Variants in WSCD1 observed in about 807,000 individuals in gnomAD.
WSCD1 encodes WSC domain sialate O sulfotransferase 1.
Under a neutral mutation model 60.4 loss-of-function variants are expected in WSCD1, and 41 were observed. The ratio of observed to expected loss-of-function variants is 0.68; its 90% confidence interval spans 0.53 to 0.88. The LOEUF is 0.88. Among genes scored for constraint, WSCD1 ranks in the 40% least tolerant of loss-of-function variants. WSCD1 has a pLI of 0.00. For missense variants in WSCD1, 784 were observed against 796.2 expected, an observed-to-expected ratio of 0.98 and a Z score of 0.18; for synonymous variants, 361 against 332.5, an observed-to-expected ratio of 1.09 and a Z score of -0.93.
At position 6,095,178 on chromosome 17, in the gene WSCD1, G is replaced by A. The variant is rs937878675; in HGVS notation, c.804G>A (p.Gln268=). ...ATGCCTTCCCCAGCTCCCTGATACA[G>A]GCCAATGTGACCGTGGGGACTTGCT... is the stretch of plus-strand genomic sequence containing the variant. ...ITHAFPSSLI[Q]ANVTVGTCSG... The change falls in exon 5 of 9, where the codon CAG becomes CAA. Residue 268 remains glutamine (Q), a synonymous_variant. Coordinates refer to ENST00000317744, the MANE Select transcript of WSCD1 (RefSeq NM_015253.2). 5.6e-6 allele frequency: 9 copies of A among 1,613,578 alleles called. No individual in the cohort carries two copies. The highest frequency in any genetic ancestry group is 1.1e-5 in the South Asian group (1 of 90,934).
At chr17:6,120,270 C>T in intron 8 of WSCD1, 39 bp from the exon 9 acceptor site, 7 of 1,583,562 alleles carry the variant, frequency 4.4e-6, no homozygotes, top group Non-Finnish European at 6.0e-6. Flanking sequence ...CCTGGCAGGG[C>T]CAGCCCCCGA....
At chr17:6,082,559 G>T (rs2150533569) in intron 2 of WSCD1, among the ~76,000 whole-genome samples, 1 of 152,290 alleles carries the variant, frequency 6.6e-6, no homozygotes, top group South Asian at 2.1e-4. Context: ...CTCTCTGCAG[G>T]GTGCAGCAAA....
chr17:6,073,542 A>G (rs1908669859), intron 1 of WSCD1, among the ~76,000 whole-genome samples: 1 of 152,236 alleles, frequency 6.6e-6, no homozygotes, highest in Non-Finnish European at 1.5e-5. Context: ...AGGCAGGAAA[A>G]TCGCTTGAAC....
At position 6,122,468 on chromosome 17, in the gene WSCD1, G is replaced by A. The variant is rs8071992; in HGVS notation, c.*1807G>A. ...ATGTTTATTGGCTCAGGATAGCTTC[G>A]GCATCCAATCTGCGAAGGCCCCTGA... is the stretch of plus-strand genomic sequence containing the variant. On this transcript the variant is annotated 3_prime_UTR_variant, in exon 9 of 9. Transcript: ENST00000317744. The A allele has an allele frequency of 0.98, 148,787 of 152,402 alleles. 72,734 individuals carry two copies. Among genetic ancestry groups the A allele is most frequent in the Middle Eastern group, 1 (294 of 294 alleles). The allele number at this position is 152,402 out of a possible 1,614,324, so 9.4% of individuals were successfully genotyped here.
chr17:6,079,698 C>G (rs975905494), intron 1 of WSCD1, among the ~76,000 whole-genome samples: 3 of 152,200 alleles, frequency 2.0e-5, no homozygotes, highest in Non-Finnish European at 2.9e-5. Context: ...CCTTCCAACC[C>G]AGGCTCACAG....
chr17:6,082,549 C>G (rs1275335182), intron 2 of WSCD1, among the ~76,000 whole-genome samples: 1 of 151,788 alleles, frequency 6.6e-6, no homozygotes, highest in Non-Finnish European at 1.5e-5. Context: ...TATGCAGACT[C>G]TCTCTGCAGG....
At chr17:6,078,287 A>G (rs983622926) in intron 1 of WSCD1, among the ~76,000 whole-genome samples, 1 of 152,236 alleles carries the variant, frequency 6.6e-6, no homozygotes, top group Non-Finnish European at 1.5e-5. Context: ...GAGATTACAG[A>G]CTTTGGAGGG....
intron 2 of WSCD1, among the ~76,000 whole-genome samples, chr17:6,084,622 T>C (rs1173561204): frequency 2.6e-5 from 4 of 152,228 alleles, no homozygotes; most frequent in South Asian, 2.1e-4. Flanking sequence ...AGGGGAAAAA[T>C]AGTAACTTCT....
chr17:6,103,807 A>T, intron 5 of WSCD1, among the ~76,000 whole-genome samples: 1 of 152,148 alleles, frequency 6.6e-6, no homozygotes, highest in East Asian at 1.9e-4. Flanking sequence ...GACTCAGCCC[A>T]TCCATGCTTA....
intron 1 of WSCD1, among the ~76,000 whole-genome samples, chr17:6,079,543 T>C (rs1909091430): frequency 1.3e-5 from 2 of 152,198 alleles, no homozygotes; most frequent in African/African-American, 4.8e-5. Context: ...GCTCAGCCTC[T>C]GTTTGCAGGT....
intron 7 of WSCD1, among the ~76,000 whole-genome samples, chr17:6,112,029 C>T (rs1911443115): frequency 6.6e-6 from 1 of 152,132 alleles, no homozygotes; most frequent in Non-Finnish European, 1.5e-5. Flanking sequence ...AAGCTCTCAA[C>T]TGTGTTTTTA....
intron 5 of WSCD1, among the ~76,000 whole-genome samples, chr17:6,104,461 AGTTCCT>A (rs1910976778): frequency 6.6e-6 from 1 of 152,198 alleles, no homozygotes. Flanking sequence ...CAAAGCCCAC[AGTTCCT>A]GATGACAAGC....
intron 4 of WSCD1, among the ~76,000 whole-genome samples, chr17:6,092,154 CA>C (rs71372642): frequency 0.035 from 2,284 of 65,674 alleles, 52 homozygotes; most frequent in African/African-American, 0.1. Context: ...ACTCTGTCTC[CA>C]AAAAAAAAAA....
chr17:6,095,742 G>A (rs1476004680), intron 5 of WSCD1, among the ~76,000 whole-genome samples: 1 of 152,224 alleles, frequency 6.6e-6, no homozygotes, highest in South Asian at 2.1e-4. Context: ...TAGCTCTGGG[G>A]TGGGGAAAGT....
intron 4 of WSCD1, among the ~76,000 whole-genome samples, chr17:6,092,946 G>T (rs2150548078): frequency 6.6e-6 from 1 of 152,292 alleles, no homozygotes; most frequent in Admixed American, 6.5e-5. Context: ...CCCTTCCTGA[G>T]GGAATGAGCT....
Position 6,080,607 on chromosome 17 carries a change from G to A in WSCD1, c.-52G>A, listed in dbSNP as rs953689034. 1 of 1,593,182 alleles carries A rather than the reference G, an allele frequency of 6.3e-7. No individual in the cohort carries two copies. The highest frequency in any genetic ancestry group is 8.5e-7 in the Non-Finnish European group (1 of 1,170,772). On this transcript the variant is annotated 5_prime_UTR_variant, in exon 2 of 9. Coordinates refer to ENST00000317744, the MANE Select transcript of WSCD1 (RefSeq NM_015253.2). The surrounding 1 kb of genome is among the most constrained non-coding windows in gnomAD (Gnocchi z 6.6). The stretch of plus-strand genomic sequence containing the variant: ...GAGGCCCTGGCCTCACTCCCACCTG[G>A]GCGCTAGGAGCCATCCCGGGGCTCC...
rs1291160399 is a variant in WSCD1 at position 6,070,389 on chromosome 17, GCGCCCGCTCGCC to G, written c.-543_-532del. 3 of 147,104 alleles carry G rather than the reference GCGCCCGCTCGCC, an allele frequency of 2.0e-5. No individual in the cohort carries two copies. The highest frequency in any genetic ancestry group is 6.8e-5 in the Admixed American group (1 of 14,718). 9.1% of individuals were successfully genotyped at this position (147,104 alleles called of 1,614,324 possible). A position where few individuals can be genotyped will look rare whatever the true frequency, so the allele number is the denominator to read the frequency against. ...CGCGAGTGAGCATGTGCAGAGCCCG[GCGCCCGCTCGCC>G]CGCCCGCTGCCCGCCCCGGCTCCGC... is the stretch of plus-strand genomic sequence containing the variant. On this transcript the variant is annotated 5_prime_UTR_variant, in exon 1 of 9. Coordinates refer to ENST00000317744, the MANE Select transcript of WSCD1 (RefSeq NM_015253.2).
intron 4 of WSCD1, among the ~76,000 whole-genome samples, chr17:6,094,362 G>A (rs897852904): frequency 2.0e-5 from 3 of 152,160 alleles, no homozygotes; most frequent in African/African-American, 7.2e-5. Flanking sequence ...GCAAAGCAGT[G>A]GTATGACTCC....
intron 3 of WSCD1, among the ~76,000 whole-genome samples, chr17:6,089,487 A>G (rs1315921881): frequency 1.3e-5 from 2 of 152,340 alleles, no homozygotes; most frequent in Non-Finnish European, 2.9e-5. Context: ...TTACTAGGTC[A>G]AAGTAAGTAG....
Sources: allele counts gnomAD v4.1 joint callset (sites outside exome capture counted in the v4.1 genomes callset), GRCh38; gene constraint gnomAD v4.1.1; non-coding constraint Gnocchi (gnomAD v3.1); transcripts MANE v1.5; gene names NCBI Gene and HGNC (gene_info 2026-07-23, HGNC 2026-07-21).